The following NKIRAS1 variants were observed in gnomAD, a reference collection of about 807,000 sequenced individuals.
NKIRAS1 encodes NF-kappa-B inhibitor-interacting Ras-like protein 1.
Under a neutral mutation model 19.8 loss-of-function variants are expected in NKIRAS1, and 16 were observed. The observed-to-expected ratio is 0.81, with a 90% CI of 0.55 to 1.23. The LOEUF (loss-of-function observed/expected upper bound fraction) is 1.23. Ranked by LOEUF, NKIRAS1 falls within the 50% of genes most tolerant of loss-of-function variation. The pLI, the probability that NKIRAS1 is intolerant of heterozygous loss-of-function variation, is 0.00. For missense variants in NKIRAS1, 184 were observed against 220.0 expected, an observed-to-expected ratio of 0.84 and a Z score of 1.04; for synonymous variants, 88 against 79.0, an observed-to-expected ratio of 1.11 and a Z score of -0.61.
chr3:23,896,334 GC>G (rs1302513665), intron 4 of NKIRAS1, among the ~76,000 whole-genome samples: 2 of 151,996 alleles, frequency 1.3e-5, no homozygotes, highest in South Asian at 4.2e-4. Flanking sequence ...AAAACAAACG[GC>G]CGGGCATGGT....
At chr3:23,935,974 T>C (rs1344039803) in intron 1 of NKIRAS1, among the ~76,000 whole-genome samples, 2 of 150,638 alleles carry the variant, frequency 1.3e-5, no homozygotes, top group African/African-American at 4.9e-5. Flanking sequence ...TTCCAGCTTC[T>C]TGAGATGTTC....
At chr3:23,917,587 C>T (rs1704701930), upstream of NKIRAS1, 5 of 348,540 alleles carry the variant, frequency 1.4e-5, no homozygotes, top group East Asian at 1.1e-4. Context: ...GCCACCCGCC[C>T]CCTTGGTGCT....
chr3:23,906,338 T>C (rs1462881039), intron 3 of NKIRAS1, among the ~76,000 whole-genome samples: 4 of 152,114 alleles, frequency 2.6e-5, no homozygotes, highest in African/African-American at 9.7e-5. Flanking sequence ...TGGAAAGAAC[T>C]AGCAAAAGGT....
In NKIRAS1 at chr3:23,892,196, TAC is replaced by T. The variant is rs1285139942; in HGVS notation, c.*897_*898del. 3.3e-5 allele frequency: 5 copies of T among 152,232 alleles called. No individual in the cohort carries two copies. The highest frequency in any genetic ancestry group is 4.8e-5 in the African/African-American group (2 of 41,464). The allele number at this position is 152,232 out of a possible 1,614,324, so 9.4% of individuals were successfully genotyped here. A position where few individuals can be genotyped will look rare whatever the true frequency, so the allele number is the denominator to read the frequency against. The stretch of plus-strand genomic sequence containing the variant: ...TTCCTACCTTTTAAATTAATAAAGT[TAC>T]AGTCAGCCACATTGCTTGAGTCTTG... On this transcript the variant is annotated 3_prime_UTR_variant, in exon 5 of 5. Transcript: ENST00000425478.
intron 1 of NKIRAS1, chr3:23,924,079 G>T (rs1045789910): frequency 1.3e-5 from 2 of 152,188 alleles, no homozygotes; most frequent in African/African-American, 4.8e-5. Context: ...AACTGTGGAA[G>T]CCAGTGATCC....
intron 4 of NKIRAS1, among the ~76,000 whole-genome samples, chr3:23,895,287 C>T (rs1192025274): frequency 6.6e-6 from 1 of 152,196 alleles, no homozygotes; most frequent in Non-Finnish European, 1.5e-5. Context: ...GCTGGGATTA[C>T]AGGCGTGAAC....
chr3:23,935,892 C>T (rs1330211018), intron 1 of NKIRAS1, among the ~76,000 whole-genome samples: 4 of 151,972 alleles, frequency 2.6e-5, no homozygotes, highest in African/African-American at 9.7e-5. Context: ...CCAGCCCAGG[C>T]AACACAGCAA....
chr3:23,928,960 G>A (rs1294488884), intron 1 of NKIRAS1, among the ~76,000 whole-genome samples: 9 of 150,386 alleles, frequency 6.0e-5, no homozygotes, highest in African/African-American at 2.0e-4. Flanking sequence ...TCGTGCCACT[G>A]CGCTCCAGCC....
intron 1 of NKIRAS1, among the ~76,000 whole-genome samples, chr3:23,929,593 A>ATTT: frequency 6.7e-6 from 1 of 148,364 alleles, no homozygotes; most frequent in South Asian, 2.2e-4. Context: ...GACCAGGCTA[A>ATTT]TTTTTTTTGT....
chr3:23,890,465 GTTC>G lies in NKIRAS1; in HGVS notation c.*2627_*2629del. 6.3e-7 allele frequency: 1 copy of G among 1,587,160 alleles called. No individual in the cohort carries two copies. The highest frequency in any genetic ancestry group is 8.6e-7 in the Non-Finnish European group (1 of 1,165,094). ...GTCACTATTCGCTAAAGTTTAAAAT[GTTC>G]TTTTCCTTTCTCCAAAGTAATCTAC... On this transcript the variant is annotated 3_prime_UTR_variant, in exon 5 of 5. Transcript: ENST00000425478.
chr3:23,902,789 G>T (rs755146134), intron 3 of NKIRAS1, among the ~76,000 whole-genome samples: 9 of 152,202 alleles, frequency 5.9e-5, no homozygotes, highest in Non-Finnish European at 8.8e-5. Flanking sequence ...TCTCTGGGGA[G>T]TATAAAATAG....
Position 23,910,910 on chromosome 3 carries a change from C to T in NKIRAS1, c.-6G>A, listed in dbSNP as rs763021396. 2.5e-6 allele frequency: 4 copies of T among 1,612,580 alleles called. No homozygotes were observed. The highest frequency in any genetic ancestry group is 3.3e-5 in the Admixed American group (2 of 60,002). ...ACCTTGCAGCCCTTTCCCATCTTCT[C>T]TCAGGATATCACTGTGGAGAGAATA... On this transcript the variant is annotated 5_prime_UTR_variant, in exon 3 of 5. Transcript: ENST00000425478.
chr3:23,903,168 C>T (rs1702680517), intron 3 of NKIRAS1, among the ~76,000 whole-genome samples: 2 of 152,190 alleles, frequency 1.3e-5, no homozygotes, highest in Non-Finnish European at 2.9e-5. Flanking sequence ...GGCTGAAGTT[C>T]AGTGGGACAA....
At chr3:23,941,933 T>C (rs891174103) in intron 1 of NKIRAS1, among the ~76,000 whole-genome samples, 2 of 152,106 alleles carry the variant, frequency 1.3e-5, no homozygotes, top group African/African-American at 4.8e-5. Context: ...TAAATAGTGG[T>C]AACCTCTTAT....
intron 3 of NKIRAS1, among the ~76,000 whole-genome samples, chr3:23,907,594 G>C (rs1703205891): frequency 1.3e-5 from 2 of 152,236 alleles, no homozygotes; most frequent in African/African-American, 2.4e-5. Context: ...TGCAAAAGCA[G>C]TGGTGGGTAA....
intron 1 of NKIRAS1, chr3:23,945,467 C>T (rs1705629077): frequency 1.1e-5 from 6 of 546,192 alleles, no homozygotes; most frequent in Non-Finnish European, 1.5e-5. Flanking sequence ...CATGAGGGGG[C>T]CCCGCGACCA....
At chr3:23,899,549 G>A (rs573427733) in intron 4 of NKIRAS1, among the ~76,000 whole-genome samples, 6 of 152,290 alleles carry the variant, frequency 3.9e-5, no homozygotes, top group African/African-American at 1.4e-4. Flanking sequence ...TCCGCCACGT[G>A]AAGATCTGGA....
At position 23,892,986 on chromosome 3, in the gene NKIRAS1, G is replaced by C. The variant is rs894330442; in HGVS notation, c.*109C>G. On this transcript the variant is annotated 3_prime_UTR_variant, in exon 5 of 5. Coordinates refer to ENST00000425478, the MANE Select transcript of NKIRAS1 (RefSeq NM_020345.4). Reference sequence around the variant, plus strand: ...TGACTTCCTTAGGAATTTTCCTAAGGACCAAAGGTAGATACAAATGGCCTA... The same window carrying C: ...TGACTTCCTTAGGAATTTTCCTAAGCACCAAAGGTAGATACAAATGGCCTA... 7 of 1,202,810 alleles carry C rather than the reference G, an allele frequency of 5.8e-6. No homozygotes were observed. The African/African-American group carries it at 1.1e-4, about 19-fold the overall frequency. The allele number at this position is 1,202,810 out of a possible 1,614,324, so 74.5% of individuals were successfully genotyped here.
chr3:23,905,845 A>T (rs891227816), intron 3 of NKIRAS1, among the ~76,000 whole-genome samples: 9 of 151,488 alleles, frequency 5.9e-5, no homozygotes, highest in Admixed American at 2.0e-4. Flanking sequence ...AAGACAAGAG[A>T]TCTAGGAAAC....
Sources: allele counts gnomAD v4.1 joint callset (sites outside exome capture counted in the v4.1 genomes callset), GRCh38; gene constraint gnomAD v4.1.1; transcripts MANE v1.5; gene names NCBI Gene and HGNC (gene_info 2026-07-23, HGNC 2026-07-21).